PRIM2: variants seen among roughly 807,000 people sequenced by gnomAD.
PRIM2 encodes the protein DNA primase subunit 2, also known as DNA primase large subunit.
PRIM2 carries 39 observed loss-of-function variants against 67.3 expected under a neutral mutation model. The observed-to-expected ratio is 0.58, with a 90% CI of 0.45 to 0.76. The LOEUF (loss-of-function observed/expected upper bound fraction) is 0.76. PRIM2 is among the 30% of genes least tolerant of loss of function. The pLI, the probability that PRIM2 is intolerant of heterozygous loss-of-function variation, is 0.00. For missense variants in PRIM2, 398 were observed against 598.7 expected, an observed-to-expected ratio of 0.66 and a Z score of 3.50; for synonymous variants, 143 against 198.7, an observed-to-expected ratio of 0.72 and a Z score of 2.36.
intron 8 of PRIM2, among the ~76,000 whole-genome samples, chr6:57,530,437 G>C (rs1392793506): frequency 2.0e-5 from 3 of 152,164 alleles, no homozygotes; most frequent in African/African-American, 7.2e-5. Context: ...TATCTTCACT[G>C]ATCAACCTTT....
rs1290941735 is a variant in PRIM2, at chr6:57,646,397, T to TG, written c.*245dup. 2.0e-3 allele frequency: 888 copies of TG among 445,850 alleles called. 13 individuals are homozygous for TG. The highest frequency in any genetic ancestry group is 0.015 in the East Asian group (360 of 24,004). The allele number at this position is 445,850 out of a possible 1,614,324, so 27.6% of individuals were successfully genotyped here. ...TTTTTTCAATTTTTTTTTGTAGAGG[T>TG]GGGGGGTCTCCCTATGTTGCCCAGG... On this transcript the variant is annotated 3_prime_UTR_variant, in exon 14 of 14. Coordinates refer to ENST00000615550, the MANE Select transcript of PRIM2 (RefSeq NM_000947.5).
intron 7 of PRIM2, among the ~76,000 whole-genome samples, chr6:57,472,447 A>G (rs1432437410): frequency 2.0e-5 from 3 of 152,106 alleles, no homozygotes; most frequent in African/African-American, 7.2e-5. Context: ...AAACGGGCAA[A>G]CTGAGTCTCC....
At chr6:57,324,376 C>T (rs926731240) in intron 4 of PRIM2, 96 bp downstream of exon 4, 2 of 653,104 alleles carry the variant, frequency 3.1e-6, no homozygotes, top group Non-Finnish European at 5.4e-6. Flanking sequence ...CATAGGAAAA[C>T]CCAGAATAAC....
intron 7 of PRIM2, among the ~76,000 whole-genome samples, chr6:57,494,197 C>A (rs1378692041): frequency 6.6e-6 from 1 of 152,150 alleles, no homozygotes; most frequent in Non-Finnish European, 1.5e-5. Flanking sequence ...TCACAGTGGT[C>A]TAGAATCTAC....
intron 10 of PRIM2, among the ~76,000 whole-genome samples, chr6:57,550,411 A>G (rs1475666784): frequency 0.016 from 2,432 of 151,694 alleles, 70 homozygotes; most frequent in African/African-American, 0.055. Flanking sequence ...TGAATTGTCA[A>G]GAGGCTAGCT....
chr6:57,635,791 C>T (rs1278860952), intron 13 of PRIM2, among the ~76,000 whole-genome samples: 2 of 152,186 alleles, frequency 1.3e-5, no homozygotes, highest in East Asian at 1.9e-4. Flanking sequence ...TGGATCACTG[C>T]AATAGCTTCC....
At chr6:57,477,490 A>G (rs1369453295) in intron 7 of PRIM2, among the ~76,000 whole-genome samples, 2 of 152,252 alleles carry the variant, frequency 1.3e-5, no homozygotes, top group African/African-American at 4.8e-5. Flanking sequence ...TAGCCTTTCT[A>G]CTACTTTTCA....
At chr6:57,420,709 A>G (rs1419813071) in intron 7 of PRIM2, among the ~76,000 whole-genome samples, 1 of 152,170 alleles carries the variant, frequency 6.6e-6, no homozygotes, top group Non-Finnish European at 1.5e-5. Flanking sequence ...TCCAAAATCC[A>G]TGGGGACTTG....
At chr6:57,639,203 T>G (rs1777180888) in intron 13 of PRIM2, among the ~76,000 whole-genome samples, 2 of 151,892 alleles carry the variant, frequency 1.3e-5, no homozygotes, top group African/African-American at 4.8e-5. Context: ...CTTGAAACCA[T>G]TGAGAACAAA....
the PRIM2 span, among the ~76,000 whole-genome samples, chr6:57,242,308 TAG>T: frequency 6.6e-6 from 1 of 152,192 alleles, no homozygotes; most frequent in African/African-American, 2.4e-5. Flanking sequence ...CAATAAAATG[TAG>T]ATTTACATTT....
chr6:57,403,025 A>G (rs1770764295), intron 7 of PRIM2, among the ~76,000 whole-genome samples: 1 of 152,108 alleles, frequency 6.6e-6, no homozygotes, highest in African/African-American at 2.4e-5. Flanking sequence ...ATTACACATT[A>G]TATATACACA....
At chr6:57,405,862 T>C (rs532111698) in intron 7 of PRIM2, among the ~76,000 whole-genome samples, 5 of 151,988 alleles carry the variant, frequency 3.3e-5, no homozygotes, top group African/African-American at 7.3e-5. Context: ...TGGTACACAG[T>C]ATATGCTTAT....
At chr6:57,270,681 A>C in the PRIM2 span, among the ~76,000 whole-genome samples, 1 of 152,130 alleles carries the variant, frequency 6.6e-6, no homozygotes, top group Admixed American at 6.5e-5. Context: ...AGGAGTGGTG[A>C]GAGAGGGCAT....
At chr6:57,257,301 T>C in the PRIM2 span, among the ~76,000 whole-genome samples, 5,814 of 151,528 alleles carry the variant, frequency 0.038, 396 homozygotes, top group African/African-American at 0.13. Context: ...GATGGAGTCT[T>C]GCTCTTGTTG....
intron 10 of PRIM2, among the ~76,000 whole-genome samples, chr6:57,589,123 A>G (rs1562798213): frequency 6.6e-6 from 1 of 152,160 alleles, no homozygotes; most frequent in Non-Finnish European, 1.5e-5. Context: ...TTCAAAGCAA[A>G]GGGAGGCATT....
intron 7 of PRIM2, among the ~76,000 whole-genome samples, chr6:57,496,404 C>A (rs1774005293): frequency 1.3e-5 from 2 of 152,048 alleles, no homozygotes; most frequent in East Asian, 1.9e-4. Context: ...ACAGAAGATA[C>A]ACAACATGCA....
intron 5 of PRIM2, among the ~76,000 whole-genome samples, chr6:57,329,453 A>G (rs999236622): frequency 4.6e-5 from 7 of 152,050 alleles, no homozygotes; most frequent in Non-Finnish European, 1.0e-4. Context: ...GACTGTTGAT[A>G]TGGTTTGATT....
intron 5 of PRIM2, among the ~76,000 whole-genome samples, chr6:57,339,977 CA>C (rs1399799138): frequency 1.3e-5 from 2 of 151,576 alleles, no homozygotes; most frequent in African/African-American, 4.8e-5. Context: ...GGCTAATATC[CA>C]GAATCTACAA....
chr6:57,483,567 T>C (rs1160026688), intron 7 of PRIM2, among the ~76,000 whole-genome samples: 1 of 151,922 alleles, frequency 6.6e-6, no homozygotes, highest in Non-Finnish European at 1.5e-5. Flanking sequence ...TATTTTTCAG[T>C]AATGAGGAGT....
Sources: gnomAD v4.1 joint callset for allele counts (sites outside exome capture counted in the v4.1 genomes callset) on GRCh38, gnomAD v4.1.1 for gene constraint, MANE v1.5 for transcripts, NCBI Gene and HGNC (gene_info 2026-07-23, HGNC 2026-07-21) for gene names.